CNBD1: variants seen among roughly 807,000 people sequenced by gnomAD.
CNBD1 encodes cyclic nucleotide binding domain containing 1.
In CNBD1, 71 loss-of-function variants were observed where a neutral mutation model predicts 54.4. The ratio of observed to expected loss-of-function variants is 1.30; its 90% confidence interval spans 1.08 to 1.59. The LOEUF (loss-of-function observed/expected upper bound fraction) is 1.59, where lower values mean the gene tolerates loss of function less well. Among genes scored for constraint, CNBD1 ranks in the 40% most tolerant of loss-of-function variants. CNBD1 has a pLI of 0.00. For missense variants in CNBD1, 659 were observed against 518.0 expected, an observed-to-expected ratio of 1.27 and a Z score of -2.64; for synonymous variants, 182 against 170.7, an observed-to-expected ratio of 1.07 and a Z score of -0.51.
At chr8:87,217,200 A>G (rs2130805912) in intron 5 of CNBD1, among the ~76,000 whole-genome samples, 1 of 152,276 alleles carries the variant, frequency 6.6e-6, no homozygotes, top group Non-Finnish European at 1.5e-5. Context: ...TAAAACTTAG[A>G]GCATTGAAAA....
intron 4 of CNBD1, among the ~76,000 whole-genome samples, chr8:87,169,440 G>T (rs1198791629): frequency 6.6e-6 from 1 of 151,908 alleles, no homozygotes; most frequent in East Asian, 1.9e-4. Context: ...CTTTTGCTTT[G>T]GTTGACTGTC....
intron 4 of CNBD1, among the ~76,000 whole-genome samples, chr8:86,940,100 C>A (rs1809624689): frequency 6.8e-6 from 1 of 147,140 alleles, no homozygotes. Context: ...CTTCCTCATC[C>A]AGGAGTCTTT....
chr8:87,392,614 T>G (rs113653939), intron 2 of CNBD1, among the ~76,000 whole-genome samples: 2,864 of 152,084 alleles, frequency 0.019, 90 homozygotes, highest in African/African-American at 0.062. Flanking sequence ...CAAATCTGTA[T>G]CAGAAAGTCG....
chr8:87,109,167 A>C (rs1439275570), intron 4 of CNBD1, among the ~76,000 whole-genome samples: 5 of 152,158 alleles, frequency 3.3e-5, no homozygotes, highest in Admixed American at 3.3e-4. Flanking sequence ...ACCGGGAAAT[A>C]ATTTTATATT....
Position 87,153,334 on chromosome 8 carries a change from T to C in CNBD1, c.432-52659T>C, listed in dbSNP as rs373861302. On this transcript the variant is annotated intron_variant, in intron 4 of 10. Transcript: ENST00000518476. ...CTGGATATCGTGGGACCCATTATTT[T>C]AATGTCAACAGAAACAAGCTCTTGT... Among the ~76,000 whole-genome samples, 16 of 152,344 alleles carry C rather than the reference T, an allele frequency of 1.1e-4. No homozygotes were observed. The South Asian group carries it at 3.3e-3, about 32-fold the overall frequency.
At chr8:87,416,001 A>G (rs535090216) in intron 2 of CNBD1, among the ~76,000 whole-genome samples, 4 of 152,034 alleles carry the variant, frequency 2.6e-5, no homozygotes, top group African/African-American at 4.8e-5. Context: ...TTACATCCAC[A>G]CACACATACA....
chr8:87,100,588 G>C (rs1372207188), intron 4 of CNBD1, among the ~76,000 whole-genome samples: 1 of 152,106 alleles, frequency 6.6e-6, no homozygotes, highest in Non-Finnish European at 1.5e-5. Context: ...AAGCAATTCT[G>C]TCTCAGCCTT....
chr8:87,383,242 A>G (rs1811119093), downstream of CNBD1, among the ~76,000 whole-genome samples: 1 of 152,106 alleles, frequency 6.6e-6, no homozygotes, highest in African/African-American at 2.4e-5. Context: ...TAGAAATGCT[A>G]CAATTTCAGA....
intron 6 of CNBD1, among the ~76,000 whole-genome samples, chr8:87,271,937 AATC>A (rs1808376118): frequency 6.6e-6 from 1 of 152,010 alleles, no homozygotes. Flanking sequence ...AAAAAAATAA[AATC>A]ATGTCAACTG....
At chr8:86,907,608 C>A (rs1039461119) in intron 3 of CNBD1, among the ~76,000 whole-genome samples, 1 of 151,414 alleles carries the variant, frequency 6.6e-6, no homozygotes, top group African/African-American at 2.4e-5. Flanking sequence ...GCGGAGGTTG[C>A]AGTGAGCCAA....
At chr8:87,241,749 G>A (rs949463130) in intron 6 of CNBD1, among the ~76,000 whole-genome samples, 1 of 151,910 alleles carries the variant, frequency 6.6e-6, no homozygotes, top group African/African-American at 2.4e-5. Flanking sequence ...TTAAGTAATA[G>A]GATATCAATA....
chr8:87,027,197 C>CA (rs34402496), intron 4 of CNBD1, among the ~76,000 whole-genome samples: 106,831 of 151,990 alleles, frequency 0.7, 38,636 homozygotes, highest in African/African-American at 0.88. Flanking sequence ...TTTGTTTGCT[C>CA]AATAGGTAAT....
chr8:87,373,426 C>T (rs533926839), intron 10 of CNBD1, among the ~76,000 whole-genome samples: 4 of 151,822 alleles, frequency 2.6e-5, no homozygotes, highest in Admixed American at 6.6e-5. Context: ...CTGCATCTCT[C>T]GCTTACCTAA....
intron 2 of CNBD1, among the ~76,000 whole-genome samples, chr8:87,406,479 C>CACACA (rs1462159200): frequency 9.7e-5 from 8 of 82,722 alleles, no homozygotes; most frequent in African/African-American, 3.8e-4. Flanking sequence ...CACACACACA[C>CACACA]TTTTTTTTTT....
At chr8:86,948,873 A>G (rs1807535607) in intron 4 of CNBD1, among the ~76,000 whole-genome samples, 1 of 152,048 alleles carries the variant, frequency 6.6e-6, no homozygotes, top group South Asian at 2.1e-4. Context: ...GTTTCATAGT[A>G]GTTTCATAGT....
intron 5 of CNBD1, among the ~76,000 whole-genome samples, chr8:87,233,428 C>T (rs138774580): frequency 6.6e-6 from 1 of 152,122 alleles, no homozygotes; most frequent in East Asian, 1.9e-4. Context: ...TTTGCATTAT[C>T]GTGTAGTCTA....
intron 5 of CNBD1, among the ~76,000 whole-genome samples, chr8:87,227,711 G>T (rs201310359): frequency 1.4e-3 from 198 of 146,098 alleles, no homozygotes; most frequent in Non-Finnish European, 1.7e-3. Context: ...ATCTGACAAT[G>T]ATGTGTCTTG....
chr8:87,147,572 A>G (rs560386190), intron 4 of CNBD1, among the ~76,000 whole-genome samples: 1 of 152,168 alleles, frequency 6.6e-6, no homozygotes, highest in African/African-American at 2.4e-5. Context: ...ATTAACTTAA[A>G]CCTTCTTGAA....
chr8:87,001,775 G>A (rs1459836564), intron 4 of CNBD1, among the ~76,000 whole-genome samples: 2 of 151,962 alleles, frequency 1.3e-5, no homozygotes, highest in Non-Finnish European at 2.9e-5. Flanking sequence ...CTTTATTAAT[G>A]TCTTTAACTG....
Sources: gnomAD v4.1 joint callset for allele counts (sites outside exome capture counted in the v4.1 genomes callset) on GRCh38, gnomAD v4.1.1 for gene constraint, MANE v1.5 for transcripts, NCBI Gene and HGNC (gene_info 2026-07-23, HGNC 2026-07-21) for gene names.